The following ARFGEF3 variants were observed in gnomAD, a reference collection of about 807,000 sequenced individuals.
ARFGEF3 encodes ARFGEF family member 3, also known as brefeldin A-inhibited guanine nucleotide-exchange protein 3.
ARFGEF3 carries 96 observed loss-of-function variants against 221.7 expected under a neutral mutation model. That is an observed-to-expected ratio of 0.43 (90% CI 0.37 to 0.51). The LOEUF is 0.51. Ranked by LOEUF, ARFGEF3 falls within the 20% of genes least tolerant of loss-of-function variation. The pLI, the probability that ARFGEF3 is intolerant of heterozygous loss-of-function variation, is 0.00. For missense variants in ARFGEF3, 2,410 were observed against 2,789.9 expected, an observed-to-expected ratio of 0.86 and a Z score of 3.07; for synonymous variants, 1,145 against 1,126.8, an observed-to-expected ratio of 1.02 and a Z score of -0.32.
chr6:138,252,591 G>A (rs1231730746), intron 8 of ARFGEF3, among the ~76,000 whole-genome samples: 1 of 152,050 alleles, frequency 6.6e-6, no homozygotes, highest in Non-Finnish European at 1.5e-5. Flanking sequence ...TTTCTAGTTG[G>A]CCTGCATGAG....
At chr6:138,324,179 A>AG (rs1393888764) in intron 31 of ARFGEF3, 25 bp downstream of exon 31, 1 of 1,601,710 alleles carries the variant, frequency 6.2e-7, no homozygotes, top group Non-Finnish European at 8.5e-7. Flanking sequence ...TTTTGATCTC[A>AG]GGAGCTCTAG....
rs1321599622 is a variant in ARFGEF3 at position 138,343,455 on chromosome 6, G to GTTTTT, written c.*6970_*6971insTTTTT. The GTTTTT allele has an allele frequency of 3.0e-5, 4 of 134,226 alleles. No individual in the cohort carries two copies. Among genetic ancestry groups the GTTTTT allele is most frequent in the African/African-American group, 1.5e-4 (4 of 26,136 alleles). The allele number at this position is 134,226 out of a possible 1,614,324, so 8.3% of individuals were successfully genotyped here. A position where few individuals can be genotyped will look rare whatever the true frequency, so the allele number is the denominator to read the frequency against. ...TTTGCCTCTGTGGATGGAAATAAGGGTGTTTTTTTTTGGTTTTTTTTTTAC... is the reference window on the plus strand; with the variant it reads ...TTTGCCTCTGTGGATGGAAATAAGGGTTTTTTGTTTTTTTTTGGTTTTTTTTTTAC... On this transcript the variant is annotated 3_prime_UTR_variant, in exon 34 of 34. Transcript: ENST00000251691.
intron 26 of ARFGEF3, among the ~76,000 whole-genome samples, chr6:138,315,679 G>A (rs1229500974): frequency 2.0e-5 from 3 of 152,136 alleles, no homozygotes; most frequent in East Asian, 1.9e-4. Flanking sequence ...GTGAAACCCA[G>A]TATCTACTAA....
intron 3 of ARFGEF3, among the ~76,000 whole-genome samples, chr6:138,207,767 T>G (rs1413559448): frequency 6.6e-6 from 1 of 152,210 alleles, no homozygotes; most frequent in Non-Finnish European, 1.5e-5. Flanking sequence ...ACTGTGAAGT[T>G]GAAGCCTGCA....
chr6:138,267,617 A>G (rs1422787616), intron 12 of ARFGEF3, among the ~76,000 whole-genome samples: 1 of 152,168 alleles, frequency 6.6e-6, no homozygotes, highest in Admixed American at 6.5e-5. Flanking sequence ...AAGAAATATA[A>G]TCCTAGCAAA....
In ARFGEF3 at chr6:138,335,101, G is replaced by C; in HGVS notation, c.6255G>C (p.Glu2085Asp). 1 of 1,601,702 alleles carries C rather than the reference G, an allele frequency of 6.2e-7. No homozygotes were observed. The highest frequency in any genetic ancestry group is 1.1e-5 in the South Asian group (1 of 88,340). ...QMRHSFSAGP[E>D]LLRQDKRPRS... ...GGCATTCCTTCAGCGCAGGCCCCGAGCTGCTGCGACAGGACAAGAGGCCCC... is the reference window on the plus strand; with the variant it reads ...GGCATTCCTTCAGCGCAGGCCCCGACCTGCTGCGACAGGACAAGAGGCCCC... Residue 2085 changes from glutamate to aspartate, a missense_variant, in exon 33 of 34, where the codon GAG (glutamate) becomes GAC (aspartate). Transcript: ENST00000251691.
chr6:138,221,663 A>G (rs1384516285), intron 4 of ARFGEF3, among the ~76,000 whole-genome samples: 1 of 152,126 alleles, frequency 6.6e-6, no homozygotes, highest in African/African-American at 2.4e-5. Context: ...AATTATAACT[A>G]ATATTTATAT....
At chr6:138,307,471 AAAT>A (rs759097068) in intron 23 of ARFGEF3, 74 bp downstream of exon 23, 1 of 1,170,130 alleles carries the variant, frequency 8.5e-7, no homozygotes, top group Non-Finnish European at 1.2e-6. Flanking sequence ...TAAAAAAAAA[AAAT>A]TGAACAATAG....
rs1161838962 is a variant in ARFGEF3, at chr6:138,255,669, C to G, written c.1004C>G (p.Ser335Cys). 6.2e-7 allele frequency: 1 copy of G among 1,613,592 alleles called. No homozygotes were observed. The highest frequency in any genetic ancestry group is 2.2e-5 in the East Asian group (1 of 44,892). Reference protein sequence around the residue: ...IAAELVRLVGSVDSMKPVLQS... With the variant: ...IAAELVRLVGCVDSMKPVLQS... The stretch of plus-strand genomic sequence containing the variant: ...GCCGAGCTGGTCCGGCTGGTGGGGT[C>G]TGTGGACTCCATGAAGCCCGTGCTC... The change falls in exon 10 of 34, where the codon TCT becomes TGT. Residue 335 changes from serine to cysteine, a missense_variant. Physicochemically the swap from Ser to Cys is moderately radical, Grantham distance 112 (BLOSUM62 -1). Coordinates refer to ENST00000251691, the MANE Select transcript of ARFGEF3 (RefSeq NM_020340.5).
At chr6:138,225,407 G>A (rs1041628288) in intron 4 of ARFGEF3, among the ~76,000 whole-genome samples, 7 of 152,258 alleles carry the variant, frequency 4.6e-5, no homozygotes, top group South Asian at 4.1e-4. Flanking sequence ...CAGTGTTGGC[G>A]CTTTGTTCAC....
At chr6:138,189,339 A>T (rs1777250018) in intron 2 of ARFGEF3, among the ~76,000 whole-genome samples, 1 of 152,222 alleles carries the variant, frequency 6.6e-6, no homozygotes. Context: ...CACTTGAACC[A>T]TGCGGAAGGT....
chr6:138,335,999 A>G (rs1780314361), intron 33 of ARFGEF3, among the ~76,000 whole-genome samples: 2 of 149,632 alleles, frequency 1.3e-5, no homozygotes, highest in Admixed American at 1.3e-4. Flanking sequence ...TGAGAAGGCA[A>G]GGGAGGTTTG....
At chr6:138,220,902 A>C (rs1005173392) in intron 4 of ARFGEF3, among the ~76,000 whole-genome samples, 1 of 152,236 alleles carries the variant, frequency 6.6e-6, no homozygotes, top group African/African-American at 2.4e-5. Flanking sequence ...ATTCACTTGA[A>C]ATAGTAAAGC....
rs756701058 is a variant in ARFGEF3 at position 138,255,610 on chromosome 6, C to A, written c.945C>A (p.Ser315Arg). ...GCTCCTGCACTGCGCCGGCCCTGAG[C>A]GGACCTGTGGCTCGGACTATCTATT... ...SGCSCTAPAL[S>R]GPVARTIYYI... is the part of the protein sequence containing the mutation. The change falls in exon 10 of 34, where the codon AGC becomes AGA. Residue 315 changes from serine to arginine, a missense_variant. Ser to Arg is a moderately radical substitution (Grantham distance 110). Around this residue, in one of 5 missense-constraint regions of ARFGEF3, gnomAD observed 570 missense variants for 586.9 expected, o/e 0.97. Transcript: ENST00000251691. 3.1e-6 allele frequency: 5 copies of A among 1,613,954 alleles called. No individual in the cohort carries two copies. The highest frequency in any genetic ancestry group is 3.4e-6 in the Non-Finnish European group (4 of 1,179,882).
At chr6:138,279,748 G>A (rs1289594707) in intron 13 of ARFGEF3, among the ~76,000 whole-genome samples, 2 of 152,140 alleles carry the variant, frequency 1.3e-5, no homozygotes, top group South Asian at 2.1e-4. Context: ...ACATCCAAGA[G>A]TAAGAATGTA....
intron 27 of ARFGEF3, among the ~76,000 whole-genome samples, chr6:138,319,059 TCCTTC>T (rs201080509): frequency 0.029 from 4,467 of 151,864 alleles, 216 homozygotes; most frequent in African/African-American, 0.1. Flanking sequence ...GCTCAAGCGA[TCCTTC>T]CACCTCAGCC....
intron 2 of ARFGEF3, among the ~76,000 whole-genome samples, chr6:138,198,479 A>C (rs929478214): frequency 4.6e-5 from 7 of 152,240 alleles, no homozygotes; most frequent in Non-Finnish European, 8.8e-5. Context: ...GGCTCAATGG[A>C]ATTGGCCCTG....
At chr6:138,288,353 C>A (rs957143828) in intron 17 of ARFGEF3, among the ~76,000 whole-genome samples, 3 of 152,112 alleles carry the variant, frequency 2.0e-5, no homozygotes, top group East Asian at 3.9e-4. Context: ...CCATTGCACT[C>A]TAGCCTGGGT....
intron 3 of ARFGEF3, 88 bp downstream of exon 3, chr6:138,207,211 T>C: frequency 5.1e-6 from 5 of 977,860 alleles, no homozygotes; most frequent in Non-Finnish European, 6.3e-6. Flanking sequence ...TTTTAAATAC[T>C]GGCTGTTTAA....
Sources: gnomAD v4.1 joint callset for allele counts (sites outside exome capture counted in the v4.1 genomes callset) on GRCh38, gnomAD v4.1.1 for gene constraint, gnomAD v4.1.1 regional missense constraint, MANE v1.5 for transcripts, NCBI Gene and HGNC (gene_info 2026-07-23, HGNC 2026-07-21) for gene names.